Variants in C5AR2 observed in about 807,000 individuals in gnomAD.
The protein encoded by C5AR2 is C5a anaphylatoxin chemotactic receptor 2.
For synonymous variants in C5AR2, 224 were observed against 216.5 expected (o/e 1.03, Z -0.30); for missense variants, 458 against 467.5 (o/e 0.98, Z 0.19).
rs139284755 is a variant in C5AR2, at chr19:47,342,305, A to G, written c.*492A>G. 3,290 of 152,688 alleles carry G rather than the reference A, an allele frequency of 0.022. 88 individuals carry two copies. The highest frequency in any genetic ancestry group is 0.066 in the African/African-American group (2,737 of 41,402). 9.5% of individuals were successfully genotyped at this position (152,688 alleles called of 1,614,324 possible). A position where few individuals can be genotyped will look rare whatever the true frequency, so the allele number is the denominator to read the frequency against. ...CGGGAGGCAGAGGTGACAGTGAGCC[A>G]AGATTGAGCCCCTGCACTCCAGCCT... On this transcript the variant is annotated 3_prime_UTR_variant, in exon 2 of 2. Transcript: ENST00000595464.
In C5AR2 at chr19:47,346,850, C is replaced by T. The variant is rs1049670769; in HGVS notation, c.*5037C>T. On this transcript the variant is annotated 3_prime_UTR_variant, in exon 2 of 2. Transcript: ENST00000595464. Reference sequence around the variant, plus strand: ...CAAGAACCCTCGTGGGCTAAAACCCCGCTTTGGGGCTTAAAGTTTGCAAAA... The same window carrying T: ...CAAGAACCCTCGTGGGCTAAAACCCTGCTTTGGGGCTTAAAGTTTGCAAAA... The T allele has an allele frequency of 3.9e-5, 6 of 152,306 alleles. No homozygotes were observed. Among genetic ancestry groups the T allele is most frequent in the South Asian group, 2.1e-4 (1 of 4,824 alleles). 9.4% of individuals were successfully genotyped at this position (152,306 alleles called of 1,614,324 possible).
intron 1 of C5AR2, among the ~76,000 whole-genome samples, chr19:47,339,252 C>T (rs945593960): frequency 1.2e-4 from 18 of 152,118 alleles, no homozygotes; most frequent in East Asian, 1.9e-4. Context: ...GATGTCCTTG[C>T]GTTGCCCACG....
intron 1 of C5AR2, among the ~76,000 whole-genome samples, chr19:47,336,867 C>T (rs1349647398): frequency 6.6e-6 from 1 of 152,036 alleles, no homozygotes; most frequent in African/African-American, 2.4e-5. Context: ...AGTGGAATGC[C>T]AGACTCCGAA....
At position 47,340,792 on chromosome 19, in the gene C5AR2, G is replaced by T. The variant is rs1334856014; in HGVS notation, c.-8G>T. 6.2e-7 allele frequency: 1 copy of T among 1,613,056 alleles called. No homozygotes were observed. The highest frequency in any genetic ancestry group is 1.3e-5 in the African/African-American group (1 of 74,934). The stretch of plus-strand genomic sequence containing the variant: ...TCTTTCTCTCCTGCCCAGACACCAG[G>T]AGCCTGAATGGGGAACGATTCTGTC... On this transcript the variant is annotated 5_prime_UTR_variant, in exon 2 of 2. Coordinates refer to ENST00000595464, the MANE Select transcript of C5AR2 (RefSeq NM_001271749.2).
chr19:47,338,656 AAATAAT>A (rs34869990), intron 1 of C5AR2, among the ~76,000 whole-genome samples: 15,519 of 131,600 alleles, frequency 0.12, 1,047 homozygotes, highest in African/African-American at 0.2. Context: ...ATGACCTCCA[AAATAAT>A]AATAATAATA....
chr19:47,338,656 A>AAATAATAATAATAATAATAAT lies in C5AR2; in HGVS notation c.-15-2116_-15-2096dup, dbSNP rs34869990. ...ACATGGTGAAACCAGATGACCTCCA[A>AAATAATAATAATAATAATAAT]AATAATAATAATAATAATAATAATA... is the stretch of plus-strand genomic sequence containing the variant. On this transcript the variant is annotated intron_variant, in intron 1 of 1. Transcript: ENST00000595464. Among the ~76,000 whole-genome samples the AAATAATAATAATAATAATAAT allele has an allele frequency of 3.6e-4, 47 of 131,690 alleles. No individual in the cohort carries two copies. The East Asian group carries it at 4.1e-3, about 11-fold the overall frequency. The allele number at this position is 131,690 out of a possible 152,430, so 86.4% of individuals were successfully genotyped here.
At chr19:47,335,784 AAAAAAAAAAAAAAAAAAAG>A (rs1393138592) in intron 1 of C5AR2, among the ~76,000 whole-genome samples, 10 of 134,666 alleles carry the variant, frequency 7.4e-5, no homozygotes, top group East Asian at 2.0e-4. Context: ...AAAAAAAAAA[AAAAAAAAAAAAAAAAAAAG>A]AAAGTTTTCG....
At position 47,340,956 on chromosome 19, in the gene C5AR2, A is replaced by AATGCCATGG; in HGVS notation, c.158_166dup (p.Met55_Val56insAspAlaMet). On this transcript the variant is annotated inframe_insertion, in exon 2 of 2. Coordinates refer to ENST00000595464, the MANE Select transcript of C5AR2 (RefSeq NM_001271749.2). ...CATCTTCCTGGTGGGGGTGCCGGGC[A>AATGCCATGG]ATGCCATGGTGGCCTGGGTGGCTGG... 1.2e-6 allele frequency: 2 copies of AATGCCATGG among 1,611,778 alleles called. No individual in the cohort carries two copies. Among genetic ancestry groups the AATGCCATGG allele is most frequent in the Non-Finnish European group, 1.7e-6 (2 of 1,179,904 alleles).
chr19:47,341,276 G>C lies in C5AR2; in HGVS notation c.477G>C (p.Trp159Cys). 6.2e-7 allele frequency: 1 copy of C among 1,606,108 alleles called. No individual in the cohort carries two copies. The highest frequency in any genetic ancestry group is 8.5e-7 in the Non-Finnish European group (1 of 1,179,870). ...CGVQVACGAA[W>C]TLALLLTVPS... ...TGCAGGTGGCCTGTGGGGCAGCCTG[G>C]ACACTGGCCTTGCTGCTCACCGTGC... The change falls in exon 2 of 2, where the codon TGG (tryptophan) becomes TGC (cysteine). Residue 159 changes from tryptophan to cysteine, a missense_variant. By Grantham distance (215) the Trp-to-Cys change is radical. Transcript: ENST00000595464. The surrounding 1 kb of genome is among the most constrained non-coding windows in gnomAD (Gnocchi z 4.6).
chr19:47,336,261 T>C (rs977643714), intron 1 of C5AR2, among the ~76,000 whole-genome samples: 11 of 152,032 alleles, frequency 7.2e-5, no homozygotes, highest in African/African-American at 2.7e-4. Flanking sequence ...GGCTGATTTT[T>C]GTATTTTTAG....
At position 47,341,430 on chromosome 19, in the gene C5AR2, G is replaced by A; in HGVS notation, c.631G>A (p.Gly211Arg). ...TAIRFLFGFL[G>R]PLVAVASCHS... is the part of the protein sequence containing the mutation. ...CATCCGGTTTCTTTTTGGCTTCCTG[G>A]GGCCCCTGGTGGCCGTGGCCAGCTG... Residue 211 changes from glycine (G) to arginine (R), a missense_variant, in exon 2 of 2, where the codon GGG becomes AGG. Gly to Arg is a moderately radical substitution (Grantham distance 125). Coordinates refer to ENST00000595464, the MANE Select transcript of C5AR2 (RefSeq NM_001271749.2). The surrounding 1 kb of genome is among the most constrained non-coding windows in gnomAD (Gnocchi z 4.6). 6.2e-7 allele frequency: 1 copy of A among 1,612,292 alleles called. No homozygotes were observed. The highest frequency in any genetic ancestry group is 8.5e-7 in the Non-Finnish European group (1 of 1,179,874).
rs569035676 is a variant in C5AR2 at position 47,343,059 on chromosome 19, T to C, written c.*1246T>C. 1.3e-5 allele frequency: 2 copies of C among 152,080 alleles called. No individual in the cohort carries two copies. The highest frequency in any genetic ancestry group is 6.6e-5 in the Admixed American group (1 of 15,262). The allele number at this position is 152,080 out of a possible 1,614,324, so 9.4% of individuals were successfully genotyped here. ...TGCAGGTGAGATTAAGTAAAGGATC[T>C]TGAGAAGGGGTGGTTATCCTGGATT... On this transcript the variant is annotated 3_prime_UTR_variant, in exon 2 of 2. Transcript: ENST00000595464.
chr19:47,333,570 G>C (rs1363838651), intron 1 of C5AR2, among the ~76,000 whole-genome samples: 1 of 149,348 alleles, frequency 6.7e-6, no homozygotes, highest in African/African-American at 2.5e-5. Context: ...CAGGAATAAA[G>C]AATGTTCAGA....
chr19:47,341,607 C>T lies in C5AR2; in HGVS notation c.808C>T (p.Leu270=). 6.2e-7 allele frequency: 1 copy of T among 1,613,966 alleles called. No homozygotes were observed. Among genetic ancestry groups the T allele is most frequent in the South Asian group, 1.1e-5 (1 of 91,088 alleles). The stretch of plus-strand genomic sequence containing the variant: ...GAACTCCGCACTCCTGGCCAGGGCC[C>T]TGCGGGCTGAACCCCTCATCGTGGG... ...APNSALLARA[L]RAEPLIVGLA... Residue 270 remains leucine, a synonymous_variant, in exon 2 of 2, where the codon CTG becomes TTG. Coordinates refer to ENST00000595464, the MANE Select transcript of C5AR2 (RefSeq NM_001271749.2). The surrounding 1 kb of genome is among the most constrained non-coding windows in gnomAD (Gnocchi z 4.6).
rs568948300 is a variant in C5AR2 at position 47,341,226 on chromosome 19, T to A, written c.427T>A (p.Ser143Thr). 5.0e-6 allele frequency: 8 copies of A among 1,601,620 alleles called. No homozygotes were observed. Among genetic ancestry groups the A allele is most frequent in the Non-Finnish European group, 6.8e-6 (8 of 1,179,884 alleles). Residue 143 changes from serine to threonine, a missense_variant, in exon 2 of 2, where the codon TCT (serine) becomes ACT (threonine). Transcript: ENST00000595464. The surrounding 1 kb of genome is among the most constrained non-coding windows in gnomAD (Gnocchi z 4.6). Reference sequence around the variant, plus strand: ...CCTGGCTCTCGGGCCTGCCTGGTGGTCTACGGTTCAGCGGGCGTGCGGGGT... The same window carrying A: ...CCTGGCTCTCGGGCCTGCCTGGTGGACTACGGTTCAGCGGGCGTGCGGGGT... Reference protein sequence around the residue: ...CFLALGPAWWSTVQRACGVQV... With the variant: ...CFLALGPAWWTTVQRACGVQV...
chr19:47,341,447 G>C lies in C5AR2; in HGVS notation c.648G>C (p.Val216=). Reference sequence around the variant, plus strand: ...GCTTCCTGGGGCCCCTGGTGGCCGTGGCCAGCTGCCACAGTGCCCTCCTGT... The same window carrying C: ...GCTTCCTGGGGCCCCTGGTGGCCGTCGCCAGCTGCCACAGTGCCCTCCTGT... ...LFGFLGPLVA[V]ASCHSALLCW... Residue 216 remains valine (V), a synonymous_variant, in exon 2 of 2, where the codon GTG becomes GTC. Coordinates refer to ENST00000595464, the MANE Select transcript of C5AR2 (RefSeq NM_001271749.2). The surrounding 1 kb of genome is among the most constrained non-coding windows in gnomAD (Gnocchi z 4.6). 1 of 1,611,742 alleles carries C rather than the reference G, an allele frequency of 6.2e-7. No homozygotes were observed.
chr19:47,340,684 A>C lies in C5AR2; in HGVS notation c.-15-101A>C, dbSNP rs1435785508. The C allele has an allele frequency of 4.7e-6, 5 of 1,059,016 alleles. No individual in the cohort carries two copies. The East Asian group carries it at 7.3e-5, about 15-fold the overall frequency. 65.6% of individuals were successfully genotyped at this position (1,059,016 alleles called of 1,614,324 possible). The stretch of plus-strand genomic sequence containing the variant: ...TGGAGTCCTTATGACGCAATATTCC[A>C]GTTTGCAAGGTGCTGGTGGGCCGGG... On this transcript the variant is annotated intron_variant, in intron 1 of 1. Coordinates refer to ENST00000595464, the MANE Select transcript of C5AR2 (RefSeq NM_001271749.2).
chr19:47,341,538 G>A lies in C5AR2; in HGVS notation c.739G>A (p.Ala247Thr). Residue 247 changes from alanine (A) to threonine (T), a missense_variant, in exon 2 of 2, where the codon GCA (alanine) becomes ACA (threonine). Coordinates refer to ENST00000595464, the MANE Select transcript of C5AR2 (RefSeq NM_001271749.2). This position sits in a 1 kb window ranked among gnomAD's most constrained non-coding sequence, Gnocchi z 4.6. ...TGTGGTGGGGTTTTTTGTCTGCTGGGCACCCTACCACCTGCTGGGGCTGGT... is the reference window on the plus strand; with the variant it reads ...TGTGGTGGGGTTTTTTGTCTGCTGGACACCCTACCACCTGCTGGGGCTGGT... ...AIVVGFFVCW[A>T]PYHLLGLVLT... The A allele has an allele frequency of 6.2e-7, 1 of 1,612,642 alleles. No individual in the cohort carries two copies. The highest frequency in any genetic ancestry group is 8.5e-7 in the Non-Finnish European group (1 of 1,179,652).
chr19:47,337,347 C>T (rs931424948), intron 1 of C5AR2, among the ~76,000 whole-genome samples: 4 of 152,208 alleles, frequency 2.6e-5, no homozygotes, highest in Middle Eastern at 3.4e-3. Context: ...GGTTCTGCAG[C>T]GGGGACTAAC....
Sources: gnomAD v4.1 joint callset for allele counts (sites outside exome capture counted in the v4.1 genomes callset) on GRCh38, gnomAD v4.1.1 for gene constraint, Gnocchi (gnomAD v3.1) non-coding constraint, MANE v1.5 for transcripts, NCBI Gene and HGNC (gene_info 2026-07-23, HGNC 2026-07-21) for gene names.